Variants in PLCG2 observed in about 807,000 individuals in gnomAD.
PLCG2 encodes 1-phosphatidylinositol 4,5-bisphosphate phosphodiesterase gamma-2.
In PLCG2, 69 loss-of-function variants were observed where a neutral mutation model predicts 175.6. The observed-to-expected ratio is 0.39, with a 90% CI of 0.32 to 0.48. PLCG2 has a LOEUF of 0.48. Among genes scored for constraint, PLCG2 ranks in the 20% least tolerant of loss-of-function variants. The probability of loss-of-function intolerance (pLI) is 0.91; values close to 1 mark genes in which losing one functional copy is unlikely to be tolerated. For missense variants in PLCG2, 1,798 were observed against 1,650.9 expected (o/e 1.09, Z -1.54); for synonymous variants, 827 against 624.0 (o/e 1.33, Z -4.85).
rs369259797 is a variant in PLCG2, at chr16:81,939,958, C to T, written c.3380C>T (p.Pro1127Leu). 6.2e-7 allele frequency: 1 copy of T among 1,613,826 alleles called. No individual in the cohort carries two copies. The highest frequency in any genetic ancestry group is 1.1e-5 in the South Asian group (1 of 91,080). The change falls in exon 30 of 33, where the codon CCA becomes CTA. Residue 1127 changes from proline to leucine, a missense_variant. By Grantham distance (98) the Pro-to-Leu change is moderately conservative. Transcript: ENST00000564138. ...QEKVTFEIYD[P>L]NLAFLRFVVY... Reference sequence around the variant, plus strand: ...AAGGTGACATTTGAAATTTATGACCCAAACCTGGCATTTCTGCGCTTTGTG... The same window carrying T: ...AAGGTGACATTTGAAATTTATGACCTAAACCTGGCATTTCTGCGCTTTGTG...
At chr16:81,887,307 G>C (rs1320479484) in intron 9 of PLCG2, among the ~76,000 whole-genome samples, 6 of 151,948 alleles carry the variant, frequency 3.9e-5, no homozygotes, top group Non-Finnish European at 5.9e-5. Context: ...TTTTAGTAGA[G>C]ACGGGGTTTC....
rs763047744 is a variant in PLCG2, at chr16:81,860,172, A to ATTATTATTATTATTAT, written c.479+1011_479+1012insATTATTATTATTATTT. ...TATTATTATTATTATTATTATTATTATTTTTTTTTTTTTTTGTAAAGGTGA... is the reference window on the plus strand; with the variant it reads ...TATTATTATTATTATTATTATTATTATTATTATTATTATTATTTTTTTTTTTTTTTTGTAAAGGTGA... On this transcript the variant is annotated intron_variant, in intron 5 of 32. Coordinates refer to ENST00000564138, the MANE Select transcript of PLCG2 (RefSeq NM_002661.5). 1.5e-3 allele frequency among the ~76,000 whole-genome samples: 180 copies of ATTATTATTATTATTAT among 120,600 alleles called. 1 individual carries two copies. The highest frequency in any genetic ancestry group is 4.4e-3 in the Middle Eastern group (1 of 228). The allele number at this position is 120,600 out of a possible 152,430, so 79.1% of individuals were successfully genotyped here.
intron 19 of PLCG2, among the ~76,000 whole-genome samples, chr16:81,918,792 A>T (rs1235185471): frequency 2.6e-5 from 4 of 152,136 alleles, no homozygotes; most frequent in African/African-American, 9.7e-5. Flanking sequence ...ATTTTTCCAG[A>T]TGTTTCTGTC....
At chr16:81,868,122 T>G (rs925477610) in intron 5 of PLCG2, among the ~76,000 whole-genome samples, 4 of 152,238 alleles carry the variant, frequency 2.6e-5, no homozygotes, top group African/African-American at 9.6e-5. Context: ...CATCCAGCTC[T>G]AAGCCCTGAG....
intron 5 of PLCG2, among the ~76,000 whole-genome samples, chr16:81,865,729 C>T (rs1248478042): frequency 1.3e-5 from 2 of 150,864 alleles, no homozygotes; most frequent in Middle Eastern, 3.5e-3. Flanking sequence ...CTCCCTTGCT[C>T]CCAGGATGAG....
At chr16:81,853,430 A>G (rs567726363) in intron 2 of PLCG2, among the ~76,000 whole-genome samples, 1 of 152,088 alleles carries the variant, frequency 6.6e-6, no homozygotes, top group African/African-American at 2.4e-5. Context: ...TTTTGGTACC[A>G]GTGACCAGTT....
At position 81,958,240 on chromosome 16, in the gene PLCG2, A is replaced by G. The variant is rs1479696540; in HGVS notation, c.*242A>G. ...GAGGATTCCCCAAAATGTGCTCCTC[A>G]TTTTTGGCCTCTCATGTTCCAAACC... On this transcript the variant is annotated 3_prime_UTR_variant, in exon 33 of 33. Transcript: ENST00000564138. The G allele has an allele frequency of 9.5e-6, 5 of 526,346 alleles. No homozygotes were observed. 32.6% of individuals were successfully genotyped at this position (526,346 alleles called of 1,614,324 possible). A position where few individuals can be genotyped will look rare whatever the true frequency, so the allele number is the denominator to read the frequency against.
intron 1 of PLCG2, among the ~76,000 whole-genome samples, chr16:81,740,006 C>T (rs1909549862): frequency 6.6e-6 from 1 of 151,968 alleles, no homozygotes; most frequent in African/African-American, 2.4e-5. Context: ...TGTGTGGTGG[C>T]CCATGCCTGC....
chr16:81,748,880 G>A (rs571672220), intron 1 of PLCG2, among the ~76,000 whole-genome samples: 2 of 152,314 alleles, frequency 1.3e-5, no homozygotes, highest in East Asian at 1.9e-4. Context: ...AGAGAGGCTC[G>A]GTGAGATGCT....
chr16:81,910,009 G>A (rs983472157), intron 17 of PLCG2, among the ~76,000 whole-genome samples: 1 of 148,454 alleles, frequency 6.7e-6, no homozygotes, highest in African/African-American at 2.5e-5. Context: ...GGGGGATGGG[G>A]TGGGGTGGGG....
chr16:81,785,266 C>T (rs1427714063), intron 1 of PLCG2, among the ~76,000 whole-genome samples: 1 of 152,130 alleles, frequency 6.6e-6, no homozygotes, highest in East Asian at 1.9e-4. Flanking sequence ...AGGTGCTTTG[C>T]TGGGGCATTT....
chr16:81,760,383 A>T (rs1190184650), intron 2 of PLCG2, among the ~76,000 whole-genome samples: 1 of 152,052 alleles, frequency 6.6e-6, no homozygotes, highest in Non-Finnish European at 1.5e-5. Flanking sequence ...CCTTTGCCAG[A>T]TATGTACCCT....
At chr16:81,816,208 T>G (rs1220446157) in intron 2 of PLCG2, among the ~76,000 whole-genome samples, 2 of 152,086 alleles carry the variant, frequency 1.3e-5, no homozygotes, top group African/African-American at 4.8e-5. Flanking sequence ...CTGCCTCTAC[T>G]AAAAATATAA....
At chr16:81,744,527 A>T (rs1200954562) in intron 1 of PLCG2, among the ~76,000 whole-genome samples, 2 of 152,180 alleles carry the variant, frequency 1.3e-5, no homozygotes, top group African/African-American at 4.8e-5. Flanking sequence ...TAACCAAAAA[A>T]ATTCCAAATC....
chr16:81,800,918 C>G (rs1911691078), intron 2 of PLCG2, among the ~76,000 whole-genome samples: 1 of 152,054 alleles, frequency 6.6e-6, no homozygotes, highest in Non-Finnish European at 1.5e-5. Context: ...CAGAGTGAGA[C>G]TGGAAGATGG....
intron 2 of PLCG2, among the ~76,000 whole-genome samples, chr16:81,804,742 C>T (rs1298062863): frequency 6.6e-6 from 1 of 152,186 alleles, no homozygotes; most frequent in African/African-American, 2.4e-5. Flanking sequence ...TTCTTCCTAA[C>T]TGTCCACTTT....
At chr16:81,897,832 A>C in intron 13 of PLCG2, 1 of 455,888 alleles carries the variant, frequency 2.2e-6, no homozygotes, top group Non-Finnish European at 4.4e-6. Flanking sequence ...GGCATGAGCC[A>C]CCGTGCCCAA....
chr16:81,802,566 C>CT (rs922881500), intron 2 of PLCG2, among the ~76,000 whole-genome samples: 13 of 151,988 alleles, frequency 8.6e-5, no homozygotes, highest in Non-Finnish European at 1.2e-4. Context: ...TGTTTTCTTT[C>CT]TTTTTTTGTT....
intron 2 of PLCG2, among the ~76,000 whole-genome samples, chr16:81,826,169 C>T (rs1202077606): frequency 6.6e-6 from 1 of 152,204 alleles, no homozygotes; most frequent in East Asian, 1.9e-4. Flanking sequence ...GTCCCCATGC[C>T]AGAAAGCTAG....
Sources: gnomAD v4.1 joint callset for allele counts (sites outside exome capture counted in the v4.1 genomes callset) on GRCh38, gnomAD v4.1.1 for gene constraint, MANE v1.5 for transcripts, NCBI Gene and HGNC (gene_info 2026-07-23, HGNC 2026-07-21) for gene names.